Variants in ANO3 observed in about 807,000 individuals in gnomAD.
ANO3 encodes the protein anoctamin-3.
A neutral mutation model predicts 144.8 loss-of-function variants in ANO3; 99 were observed. The ratio of observed to expected loss-of-function variants is 0.68; its 90% CI spans 0.58 to 0.81. The LOEUF (loss-of-function observed/expected upper bound fraction) is 0.81, where lower values mean the gene tolerates loss of function less well. ANO3 is among the 30% of genes least tolerant of loss of function. The pLI is 0.00. For missense variants in ANO3, 905 were observed against 1,202.2 expected (o/e 0.75, Z 3.66); for synonymous variants, 414 against 392.6 (o/e 1.05, Z -0.64).
intron 17 of ANO3, among the ~76,000 whole-genome samples, chr11:26,608,536 A>G (rs936485732): frequency 1.3e-5 from 2 of 152,110 alleles, no homozygotes; most frequent in African/African-American, 4.8e-5. Context: ...CTCAGAATTA[A>G]GAGGAGGAAA....
intron 1 of ANO3, among the ~76,000 whole-genome samples, chr11:26,222,065 A>G (rs142104299): frequency 0.011 from 1,704 of 152,300 alleles, 38 homozygotes; most frequent in African/African-American, 0.039. Flanking sequence ...TTGTTTCAGT[A>G]TCAAGTCTAA....
chr11:26,413,843 A>G (rs993481911), intron 1 of ANO3, among the ~76,000 whole-genome samples: 1 of 152,096 alleles, frequency 6.6e-6, no homozygotes, highest in Non-Finnish European at 1.5e-5. Context: ...ACCTCCTTGC[A>G]TTTATTGGCA....
At chr11:26,612,442 T>C (rs1852126279) in intron 17 of ANO3, among the ~76,000 whole-genome samples, 1 of 151,526 alleles carries the variant, frequency 6.6e-6, no homozygotes, top group African/African-American at 2.4e-5. Context: ...CTTCTTCATC[T>C]ATTAGGTGTT....
At chr11:26,503,005 T>A (rs765805789) in intron 4 of ANO3, among the ~76,000 whole-genome samples, 131 of 152,146 alleles carry the variant, frequency 8.6e-4, no homozygotes, top group Admixed American at 4.6e-4. Context: ...GTGTTCCTAC[T>A]CAACATAAGC....
intron 1 of ANO3, among the ~76,000 whole-genome samples, chr11:26,210,808 C>T (rs866731530): frequency 1.7e-4 from 26 of 152,122 alleles, no homozygotes; most frequent in Admixed American, 9.2e-4. Flanking sequence ...TATAGGAATG[C>T]TTGTGATTTT....
intron 14 of ANO3, chr11:26,560,763 G>T: frequency 4.0e-6 from 1 of 246,946 alleles, no homozygotes; most frequent in Non-Finnish European, 7.7e-6. Flanking sequence ...TATGAGGCAG[G>T]GCTGTAATGG....
intron 4 of ANO3, among the ~76,000 whole-genome samples, chr11:26,504,855 C>A (rs1317334534): frequency 6.6e-6 from 1 of 151,482 alleles, no homozygotes; most frequent in African/African-American, 2.4e-5. Flanking sequence ...ACTAAAGATA[C>A]AAAAAAATTA....
At chr11:26,361,050 A>T (rs1165658841) in intron 1 of ANO3, among the ~76,000 whole-genome samples, 1 of 152,186 alleles carries the variant, frequency 6.6e-6, no homozygotes, top group Non-Finnish European at 1.5e-5. Context: ...GCATGTGACA[A>T]CATTTTATAC....
intron 1 of ANO3, among the ~76,000 whole-genome samples, chr11:26,235,369 A>G (rs931240978): frequency 7.2e-5 from 11 of 152,164 alleles, no homozygotes; most frequent in African/African-American, 2.4e-4. Context: ...CCATTATTAA[A>G]TGTGTGTGTA....
At chr11:26,530,266 G>T (rs1186016706) in intron 7 of ANO3, among the ~76,000 whole-genome samples, 1 of 152,100 alleles carries the variant, frequency 6.6e-6, no homozygotes, top group Admixed American at 6.5e-5. Context: ...AAGTTTACGT[G>T]GCTAGCACAG....
At chr11:26,259,606 T>A (rs919977300) in intron 1 of ANO3, among the ~76,000 whole-genome samples, 17 of 150,600 alleles carry the variant, frequency 1.1e-4, no homozygotes, top group African/African-American at 4.2e-4. Context: ...GGGGCAGAGG[T>A]TGCAGTTAGC....
intron 3 of ANO3, among the ~76,000 whole-genome samples, chr11:26,458,917 G>A (rs1341422616): frequency 6.6e-6 from 1 of 152,024 alleles, no homozygotes; most frequent in Non-Finnish European, 1.5e-5. Context: ...TTGATGTCAG[G>A]TGCTGATAAA....
intron 3 of ANO3, among the ~76,000 whole-genome samples, chr11:26,447,740 C>T (rs1465728320): frequency 6.6e-6 from 1 of 152,044 alleles, no homozygotes; most frequent in East Asian, 1.9e-4. Flanking sequence ...CATAAAGCAG[C>T]TCACAAAGCC....
chr11:26,202,919 G>A (rs912175012), intron 1 of ANO3, among the ~76,000 whole-genome samples: 1 of 152,092 alleles, frequency 6.6e-6, no homozygotes, highest in Non-Finnish European at 1.5e-5. Flanking sequence ...CGTAACACCT[G>A]GCCATAGTAG....
chr11:26,643,084 G>C (rs957733817), intron 22 of ANO3, 98 bp from the exon 23 acceptor site: 4 of 1,034,394 alleles, frequency 3.9e-6, no homozygotes, highest in Non-Finnish European at 5.8e-6. Context: ...TATCTACTTT[G>C]TAAGGATGTT....
intron 1 of ANO3, among the ~76,000 whole-genome samples, chr11:26,321,383 C>A (rs117172921): frequency 2.0e-5 from 3 of 151,982 alleles, no homozygotes; most frequent in Admixed American, 1.3e-4. Flanking sequence ...TTTTCAGTAT[C>A]TTTTTTGGCT....
chr11:26,218,584 A>G (rs764926681), intron 1 of ANO3, among the ~76,000 whole-genome samples: 2 of 152,120 alleles, frequency 1.3e-5, no homozygotes, highest in African/African-American at 4.8e-5. Context: ...CTTACTGCAA[A>G]TTAGCATTTG....
chr11:26,487,057 A>G (rs540805325), intron 4 of ANO3, among the ~76,000 whole-genome samples: 1 of 152,320 alleles, frequency 6.6e-6, no homozygotes, highest in African/African-American at 2.4e-5. Context: ...TGGCTTCCAA[A>G]GTCTCCAAGA....
At chr11:26,384,965 G>A (rs1269963392) in intron 1 of ANO3, among the ~76,000 whole-genome samples, 2 of 152,080 alleles carry the variant, frequency 1.3e-5, no homozygotes, top group Non-Finnish European at 2.9e-5. Flanking sequence ...TCCTCTCTGG[G>A]TGCCAAAATC....
Sources: allele counts gnomAD v4.1 joint callset (sites outside exome capture counted in the v4.1 genomes callset), GRCh38; gene constraint gnomAD v4.1.1; transcripts MANE v1.5; gene names NCBI Gene and HGNC (gene_info 2026-07-23, HGNC 2026-07-21).